The following SLC25A37 variants were observed in gnomAD, a reference collection of about 807,000 sequenced individuals.
SLC25A37 encodes solute carrier family 25 member 37.
SLC25A37 carries 17 observed loss-of-function variants against 31.0 expected under a neutral mutation model. That is an observed-to-expected ratio of 0.55 (90% CI 0.38 to 0.82). SLC25A37 has a LOEUF of 0.82. Ranked by LOEUF, SLC25A37 falls within the 40% of genes least tolerant of loss-of-function variation. The probability of loss-of-function intolerance (pLI) is 0.00; values close to 1 mark genes in which losing one functional copy is unlikely to be tolerated. For missense variants in SLC25A37, 404 were observed against 465.8 expected, an observed-to-expected ratio of 0.87 and a Z score of 1.22; for synonymous variants, 222 against 193.0, an observed-to-expected ratio of 1.15 and a Z score of -1.24.
At chr8:23,548,728 C>T (rs13272050) in intron 1 of SLC25A37, among the ~76,000 whole-genome samples, 23,996 of 152,082 alleles carry the variant, frequency 0.16, 2,279 homozygotes, top group South Asian at 0.28. Context: ...CCTCAGCCTC[C>T]TAAAGTGCTG....
At chr8:23,539,862 A>C (rs1005941345) in intron 1 of SLC25A37, among the ~76,000 whole-genome samples, 7 of 152,238 alleles carry the variant, frequency 4.6e-5, no homozygotes, top group African/African-American at 1.7e-4. Context: ...CACCTGGTCA[A>C]GTTCCTGAAA....
intron 1 of SLC25A37, among the ~76,000 whole-genome samples, chr8:23,553,801 C>T (rs546932391): frequency 6.6e-6 from 1 of 152,314 alleles, no homozygotes; most frequent in East Asian, 1.9e-4. Context: ...GTTGTGTGAC[C>T]TCCACGGGTC....
intron 1 of SLC25A37, among the ~76,000 whole-genome samples, chr8:23,545,752 T>C (rs1802018768): frequency 6.6e-6 from 1 of 152,180 alleles, no homozygotes; most frequent in South Asian, 2.1e-4. Context: ...TAATCCCAGC[T>C]ACTCAGGAGG....
At chr8:23,563,644 C>A (rs6986233) in intron 1 of SLC25A37, among the ~76,000 whole-genome samples, 45,436 of 152,090 alleles carry the variant, frequency 0.3, 7,105 homozygotes, top group African/African-American at 0.38. Context: ...GATGTTTTTG[C>A]CAGTCTGTGG....
intron 1 of SLC25A37, among the ~76,000 whole-genome samples, chr8:23,543,869 T>A (rs927227033): frequency 1.3e-5 from 2 of 151,856 alleles, no homozygotes; most frequent in African/African-American, 4.8e-5. Flanking sequence ...GTACTTTTTT[T>A]TTGTTATTGA....
At chr8:23,546,325 A>C (rs1330354356) in intron 1 of SLC25A37, among the ~76,000 whole-genome samples, 1 of 151,404 alleles carries the variant, frequency 6.6e-6, no homozygotes, top group South Asian at 2.1e-4. Flanking sequence ...TGAATAAATA[A>C]AAGAACAGAA....
chr8:23,539,540 A>G (rs1351582061), intron 1 of SLC25A37, among the ~76,000 whole-genome samples: 1 of 152,224 alleles, frequency 6.6e-6, no homozygotes, highest in East Asian at 1.9e-4. Flanking sequence ...TTGAGGCCCT[A>G]GAAAGGTCAC....
Position 23,553,267 on chromosome 8 carries a change from CAA to C in SLC25A37, c.211-12837_211-12836del, listed in dbSNP as rs1008188084. 5.5e-4 allele frequency among the ~76,000 whole-genome samples: 83 copies of C among 151,782 alleles called. 1 individual carries two copies. In the Middle Eastern group the frequency reaches 0.01, roughly 19 times the overall value. The stretch of plus-strand genomic sequence containing the variant: ...GAAACCCAGTCTCTACCAAAAAACA[CAA>C]AAATTAGCCATGTGTGGTAGCATGC... On this transcript the variant is annotated intron_variant, in intron 1 of 3. Transcript: ENST00000519973.
chr8:23,532,550 C>G, intron 1 of SLC25A37, among the ~76,000 whole-genome samples: 1 of 152,142 alleles, frequency 6.6e-6, no homozygotes, highest in South Asian at 2.1e-4. Flanking sequence ...GAGACCATGC[C>G]GAGTCCCGCC....
intron 1 of SLC25A37, among the ~76,000 whole-genome samples, chr8:23,535,774 C>G (rs527656227): frequency 6.6e-6 from 1 of 152,162 alleles, no homozygotes; most frequent in Non-Finnish European, 1.5e-5. Context: ...TGGTAACAGA[C>G]AAGAAAGAGG....
chr8:23,571,166 T>A (rs1802817912), intron 3 of SLC25A37, among the ~76,000 whole-genome samples, 169 bp from the exon 4 acceptor site: 1 of 152,230 alleles, frequency 6.6e-6, no homozygotes, highest in Admixed American at 6.5e-5. Flanking sequence ...GAGCTGGCCC[T>A]CCGCGGCTGC....
At chr8:23,541,448 TTTCCCG>T (rs1459891921) in intron 1 of SLC25A37, 2 of 152,300 alleles carry the variant, frequency 1.3e-5, no homozygotes, top group African/African-American at 2.4e-5. Context: ...CAGTTTGGCC[TTTCCCG>T]TCACTGTTTT....
rs532851758 is a variant in SLC25A37, at chr8:23,553,834, A to G, written c.211-12274A>G. ...GTCAGGGCTGTTGACTTTGCCTGTA[A>G]GTTACACTCTTGCAGCTGGGCATAG... On this transcript the variant is annotated intron_variant, in intron 1 of 3. Coordinates refer to ENST00000519973, the MANE Select transcript of SLC25A37 (RefSeq NM_016612.4). 1.4e-3 allele frequency among the ~76,000 whole-genome samples: 206 copies of G among 152,296 alleles called. 2 individuals carry two copies. The highest frequency in any genetic ancestry group is 4.3e-3 in the African/African-American group (177 of 41,570).
chr8:23,557,582 T>C (rs1563261827), intron 1 of SLC25A37, among the ~76,000 whole-genome samples: 1 of 151,974 alleles, frequency 6.6e-6, no homozygotes, highest in African/African-American at 2.4e-5. Context: ...TTCTGGACAA[T>C]TGTGGATGGG....
chr8:23,532,479 C>T (rs1801680133), intron 1 of SLC25A37, among the ~76,000 whole-genome samples: 1 of 152,162 alleles, frequency 6.6e-6, no homozygotes, highest in African/African-American at 2.4e-5. Flanking sequence ...GAGCTCAAGA[C>T]TTGAGGAGCA....
rs563923035 is a variant in SLC25A37, at chr8:23,570,068, A to G, written c.497-1267A>G. On this transcript the variant is annotated intron_variant, in intron 3 of 3. Transcript: ENST00000519973. ...ACTTGGTCTGACCTTCAGGGTTGTG[A>G]TGGGGCAGGTTGGGAGGTGGGCGGG... is the stretch of plus-strand genomic sequence containing the variant. Among the ~76,000 whole-genome samples the G allele has an allele frequency of 2.0e-5, 3 of 151,822 alleles. No individual in the cohort carries two copies. In the East Asian group the frequency reaches 5.8e-4, roughly 29 times the overall value.
intron 1 of SLC25A37, among the ~76,000 whole-genome samples, chr8:23,550,687 G>A (rs540141548): frequency 1.3e-5 from 2 of 152,346 alleles, no homozygotes; most frequent in African/African-American, 4.8e-5. Context: ...GAGCTGGACA[G>A]AATTTAGGTC....
rs868433211 is a variant in SLC25A37 at position 23,574,705 on chromosome 8, G to T, written c.*2850G>T. 11 of 155,076 alleles carry T rather than the reference G, an allele frequency of 7.1e-5. No individual in the cohort carries two copies. The Middle Eastern group carries it at 5.1e-3, about 72-fold the overall frequency. The allele number at this position is 155,076 out of a possible 1,614,324, so 9.6% of individuals were successfully genotyped here. On this transcript the variant is annotated 3_prime_UTR_variant, in exon 4 of 4. Coordinates refer to ENST00000519973, the MANE Select transcript of SLC25A37 (RefSeq NM_016612.4). ...TCCAAAGTTGGTATTGTTGCTCCAC[G>T]CAGACTGCAGTCCGGTTTCTTATTG... is the stretch of plus-strand genomic sequence containing the variant.
At chr8:23,539,319 G>T (rs1206255547) in intron 1 of SLC25A37, among the ~76,000 whole-genome samples, 1 of 152,142 alleles carries the variant, frequency 6.6e-6, no homozygotes, top group East Asian at 1.9e-4. Flanking sequence ...GGATCCATTA[G>T]ATCCATCCAG....
Sources: allele counts gnomAD v4.1 joint callset (sites outside exome capture counted in the v4.1 genomes callset), GRCh38; gene constraint gnomAD v4.1.1; transcripts MANE v1.5; gene names NCBI Gene and HGNC (gene_info 2026-07-23, HGNC 2026-07-21).